NR3C2: variants seen among roughly 807,000 people sequenced by gnomAD.
The protein encoded by NR3C2 is nuclear receptor subfamily 3 group C member 2.
In NR3C2, 15 loss-of-function variants were observed where a neutral mutation model predicts 86.4. The ratio of observed to expected loss-of-function variants is 0.17; its 90% CI spans 0.12 to 0.27. The LOEUF (loss-of-function observed/expected upper bound fraction) is 0.27, where lower values mean the gene tolerates loss of function less well. Among genes scored for constraint, NR3C2 ranks in the 10% least tolerant of loss-of-function variants. NR3C2 has a pLI of 1.00. For missense variants in NR3C2, 960 were observed against 1,195.6 expected (o/e 0.80, Z 2.91); for synonymous variants, 458 against 450.5 (o/e 1.02, Z -0.21).
intron 2 of NR3C2, among the ~76,000 whole-genome samples, chr4:148,330,404 C>A (rs762817266): frequency 1.3e-5 from 2 of 152,114 alleles, no homozygotes; most frequent in South Asian, 4.2e-4. Context: ...CGATTTATAG[C>A]CCAGTGATTC....
At chr4:148,311,714 G>C (rs748415802) in intron 2 of NR3C2, among the ~76,000 whole-genome samples, 1 of 152,134 alleles carries the variant, frequency 6.6e-6, no homozygotes, top group African/African-American at 2.4e-5. Context: ...CCTAATAGTG[G>C]CCTACAGAGG....
At chr4:148,429,016 C>G (rs1016235685) in intron 2 of NR3C2, among the ~76,000 whole-genome samples, 3 of 152,134 alleles carry the variant, frequency 2.0e-5, no homozygotes, top group African/African-American at 7.2e-5. Context: ...ACATCACAGC[C>G]CACCACGCGG....
At chr4:148,259,274 C>A (rs1739978178) in intron 3 of NR3C2, among the ~76,000 whole-genome samples, 1 of 152,148 alleles carries the variant, frequency 6.6e-6, no homozygotes, top group African/African-American at 2.4e-5. Context: ...TAGTTTGCAA[C>A]ATCAATAAAA....
Position 148,435,897 on chromosome 4 carries a change from G to A in NR3C2, c.964C>T (p.Leu322Phe). The change falls in exon 2 of 9, where the codon CTT becomes TTT. Residue 322 changes from leucine to phenylalanine, a missense_variant. This residue lies in a region of NR3C2 where 680 missense variants were observed against 719.0 expected (regional missense o/e 0.95). Transcript: ENST00000358102. ...SPSNTNNRST[L>F]SSPAASTVGS... ...ACAGTACTGGCTGCCGGACTGGAAA[G>A]CGTGGATCTGTTATTAGTGTTCGAA... 6.2e-7 allele frequency: 1 copy of A among 1,614,216 alleles called. No individual in the cohort carries two copies. Among genetic ancestry groups the A allele is most frequent in the Non-Finnish European group, 8.5e-7 (1 of 1,180,030 alleles).
chr4:148,397,428 C>T (rs1374838902), intron 2 of NR3C2, among the ~76,000 whole-genome samples: 1 of 152,194 alleles, frequency 6.6e-6, no homozygotes, highest in Non-Finnish European at 1.5e-5. Flanking sequence ...ACTATGAGGC[C>T]TTTGGCCAGT....
intron 3 of NR3C2, among the ~76,000 whole-genome samples, chr4:148,226,451 C>T (rs1386843988): frequency 1.3e-5 from 2 of 152,076 alleles, no homozygotes; most frequent in African/African-American, 4.8e-5. Context: ...CTTTTCATTG[C>T]TGAATAGTAT....
chr4:148,352,373 CATCTATCTATCTATCTATCTATCT>C (rs3045288), intron 2 of NR3C2, among the ~76,000 whole-genome samples: 19 of 146,322 alleles, frequency 1.3e-4, no homozygotes, highest in African/African-American at 4.3e-4. Context: ...CAACTCCTAT[CATCTATCTATCTATCTATCTATCT>C]ATCTATCTAT....
rs1431414798 is a variant in NR3C2, at chr4:148,436,624, A to C, written c.237T>G (p.Asn79Lys). 1 of 1,614,144 alleles carries C rather than the reference A, an allele frequency of 6.2e-7. No homozygotes were observed. The change falls in exon 2 of 9, where the codon AAT (asparagine) becomes AAG (lysine). Residue 79 changes from asparagine to lysine, a missense_variant. Coordinates refer to ENST00000358102, the MANE Select transcript of NR3C2 (RefSeq NM_000901.5). The part of the protein sequence containing the change: ...ELLPCLQQDN[N>K]RPGILTSDIK... ...TATCAGATGTTAAAATCCCAGGCCG[A>C]TTATTGTCTTGCTGAAGGCAAGGGA...
At position 148,152,587 on chromosome 4, in the gene NR3C2, G is replaced by T. The variant is rs1223223967; in HGVS notation, c.2392C>A (p.Gln798Lys). 6.2e-7 allele frequency: 1 copy of T among 1,613,978 alleles called. No homozygotes were observed. The highest frequency in any genetic ancestry group is 8.5e-7 in the Non-Finnish European group (1 of 1,179,896). The change falls in exon 6 of 9, where the codon CAA (glutamine) becomes AAA (lysine). Residue 798 changes from glutamine to lysine, a missense_variant. Around this residue, in one of 4 missense-constraint regions of NR3C2, gnomAD observed 151 missense variants for 296.3 expected, o/e 0.51. Coordinates refer to ENST00000358102, the MANE Select transcript of NR3C2 (RefSeq NM_000901.5). ...PGFKNLPLED[Q>K]ITLIQYSWMC... is the part of the protein sequence containing the mutation. ...CAAGAATACTGGATTAGGGTAATTTGGTCCTCAAGAGGCAAGTTTTTAAAT... is the reference window on the plus strand; with the variant it reads ...CAAGAATACTGGATTAGGGTAATTTTGTCCTCAAGAGGCAAGTTTTTAAAT...
chr4:148,237,615 A>G (rs28529230), intron 3 of NR3C2, among the ~76,000 whole-genome samples: 6,919 of 150,690 alleles, frequency 0.046, 511 homozygotes, highest in African/African-American at 0.16. Flanking sequence ...ATGAATTTAC[A>G]TTCTGCAGCG....
At chr4:148,426,685 CTG>C (rs1189191449) in intron 2 of NR3C2, among the ~76,000 whole-genome samples, 1 of 152,220 alleles carries the variant, frequency 6.6e-6, no homozygotes, top group Non-Finnish European at 1.5e-5. Context: ...GCACTTTAAA[CTG>C]TACTTGAGTC....
intron 8 of NR3C2, among the ~76,000 whole-genome samples, chr4:148,112,236 A>G (rs1024767704): frequency 1.3e-5 from 2 of 152,168 alleles, no homozygotes; most frequent in African/African-American, 4.8e-5. Flanking sequence ...GCTTTTGAAA[A>G]ACCAAGTTTA....
chr4:148,281,708 CT>C (rs1388615794), intron 2 of NR3C2, among the ~76,000 whole-genome samples: 4 of 152,334 alleles, frequency 2.6e-5, no homozygotes, highest in Non-Finnish European at 5.9e-5. Context: ...CATTATACCT[CT>C]CGATTCAGTC....
rs72950178 is a variant in NR3C2 at position 148,286,832 on chromosome 4, A to G, written c.1758-26715T>C. Among the ~76,000 whole-genome samples, 939 of 152,310 alleles carry G rather than the reference A, an allele frequency of 6.2e-3. 7 individuals are homozygous for G. The highest frequency in any genetic ancestry group is 0.022 in the African/African-American group (911 of 41,570). ...ACACAATAACAGCAAAAAAATTCTCATAACATAATTTGTGCCATTACTTTA... is the reference window on the plus strand; with the variant it reads ...ACACAATAACAGCAAAAAAATTCTCGTAACATAATTTGTGCCATTACTTTA... On this transcript the variant is annotated intron_variant, in intron 2 of 8. Transcript: ENST00000358102.
At chr4:148,409,306 C>T (rs7690691) in intron 2 of NR3C2, among the ~76,000 whole-genome samples, 4 of 152,090 alleles carry the variant, frequency 2.6e-5, no homozygotes, top group East Asian at 3.9e-4. Context: ...TAAAATCTTA[C>T]GTTTATTAGC....
At chr4:148,132,332 A>C (rs1733079063) in intron 6 of NR3C2, among the ~76,000 whole-genome samples, 1 of 152,208 alleles carries the variant, frequency 6.6e-6, no homozygotes, top group Non-Finnish European at 1.5e-5. Context: ...ACTTTTCAGG[A>C]CTGCTTATTG....
At chr4:148,265,460 C>T (rs1579083064) in intron 2 of NR3C2, among the ~76,000 whole-genome samples, 2 of 152,230 alleles carry the variant, frequency 1.3e-5, no homozygotes, top group South Asian at 2.1e-4. Context: ...TCTAAGGCAC[C>T]GTGTTGTTCC....
At chr4:148,444,998 C>A (rs946618682), upstream of NR3C2, 108 of 982,944 alleles carry the variant, frequency 1.1e-4, no homozygotes, top group Middle Eastern at 5.3e-4. Flanking sequence ...GGGGAGCCTG[C>A]GCCCCCCTCC....
At chr4:148,423,530 C>G (rs1749382190) in intron 2 of NR3C2, among the ~76,000 whole-genome samples, 1 of 152,160 alleles carries the variant, frequency 6.6e-6, no homozygotes, top group East Asian at 1.9e-4. Flanking sequence ...CAACTTTTAT[C>G]TCCATCACAC....
Sources: allele counts gnomAD v4.1 joint callset (sites outside exome capture counted in the v4.1 genomes callset), GRCh38; gene constraint gnomAD v4.1.1; regional missense constraint gnomAD v4.1.1; transcripts MANE v1.5; gene names NCBI Gene and HGNC (gene_info 2026-07-23, HGNC 2026-07-21).